CHRNA3: variants seen among roughly 807,000 people sequenced by gnomAD.
CHRNA3 encodes the protein cholinergic receptor nicotinic alpha 3 subunit.
Under a neutral mutation model 41.9 loss-of-function variants are expected in CHRNA3, and 34 were observed. The observed-to-expected ratio is 0.81, with a 90% CI of 0.62 to 1.08. CHRNA3 has a LOEUF of 1.08. Among genes scored for constraint, CHRNA3 ranks in the 50% least tolerant of loss-of-function variants. The probability of loss-of-function intolerance (pLI) is 0.00; values close to 1 mark genes in which losing one functional copy is unlikely to be tolerated. For missense variants in CHRNA3, 542 were observed against 638.3 expected (o/e 0.85, Z 1.63); for synonymous variants, 281 against 265.2 (o/e 1.06, Z -0.58).
chr15:78,614,860 G>T (rs1397220299), intron 4 of CHRNA3, among the ~76,000 whole-genome samples: 5 of 152,214 alleles, frequency 3.3e-5, no homozygotes, highest in African/African-American at 1.2e-4. Context: ...TTAAATGTGG[G>T]AAGTATCAGT....
chr15:78,598,958 C>G (rs141300598), intron 5 of CHRNA3, among the ~76,000 whole-genome samples: 1 of 151,632 alleles, frequency 6.6e-6, no homozygotes, highest in African/African-American at 2.4e-5. Flanking sequence ...CTCAGACTCC[C>G]GAGTAGCTAA....
intron 4 of CHRNA3, among the ~76,000 whole-genome samples, chr15:78,613,806 C>T (rs1596081974): frequency 1.3e-5 from 2 of 149,026 alleles, no homozygotes; most frequent in South Asian, 2.2e-4. Context: ...ATTAGCCAGG[C>T]GTGGTGGCGG....
At position 78,596,097 on chromosome 15, in the gene CHRNA3, C is replaced by G. The variant is rs2053105092; in HGVS notation, c.*507G>C. 1 of 985,182 alleles carries G rather than the reference C, an allele frequency of 1.0e-6. No homozygotes were observed. The highest frequency in any genetic ancestry group is 1.7e-5 in the African/African-American group (1 of 57,218). 61.0% of individuals were successfully genotyped at this position (985,182 alleles called of 1,614,324 possible). On this transcript the variant is annotated 3_prime_UTR_variant, in exon 6 of 6. Transcript: ENST00000326828. ...GTATGCAAGAGAAGTAGTTGAAGCT[C>G]TCTGAAATGGAGGCATAGCCCTTTA...
At chr15:78,614,865 A>G (rs1567090008) in intron 4 of CHRNA3, among the ~76,000 whole-genome samples, 1 of 152,250 alleles carries the variant, frequency 6.6e-6, no homozygotes, top group Non-Finnish European at 1.5e-5. Context: ...TGTGGGAAGT[A>G]TCAGTTTTGT....
At chr15:78,608,430 C>T (rs186620870) in intron 4 of CHRNA3, among the ~76,000 whole-genome samples, 226 of 152,238 alleles carry the variant, frequency 1.5e-3, no homozygotes, top group South Asian at 1.2e-3. Context: ...CTACAGCCAC[C>T]GCTGTTCTGC....
At chr15:78,613,611 C>T (rs528821581) in intron 4 of CHRNA3, among the ~76,000 whole-genome samples, 1 of 150,570 alleles carries the variant, frequency 6.6e-6, no homozygotes, top group African/African-American at 2.4e-5. Context: ...AGGAGATATA[C>T]CTAATGCTAA....
chr15:78,596,063 A>T lies in CHRNA3; in HGVS notation c.*541T>A. The T allele has an allele frequency of 1.0e-6, 1 of 984,288 alleles. No individual in the cohort carries two copies. The highest frequency in any genetic ancestry group is 1.2e-6 in the Non-Finnish European group (1 of 828,936). The allele number at this position is 984,288 out of a possible 1,614,324, so 61.0% of individuals were successfully genotyped here. A position where few individuals can be genotyped will look rare whatever the true frequency, so the allele number is the denominator to read the frequency against. ...AACTAGGCATGATTTCTCATGGTAT[A>T]ATTTAGAAGTATGCAAGAGAAGTAG... On this transcript the variant is annotated 3_prime_UTR_variant, in exon 6 of 6. Coordinates refer to ENST00000326828, the MANE Select transcript of CHRNA3 (RefSeq NM_000743.5).
At chr15:78,602,552 C>T (rs1280874643) in intron 4 of CHRNA3, among the ~76,000 whole-genome samples, 2 of 152,188 alleles carry the variant, frequency 1.3e-5, no homozygotes, top group Non-Finnish European at 2.9e-5. Flanking sequence ...CTCCCAAATG[C>T]CCGAAGAGGA....
In CHRNA3 at chr15:78,620,882, G is replaced by A. The variant is rs908389436; in HGVS notation, c.-88C>T. On this transcript the variant is annotated 5_prime_UTR_variant, in exon 1 of 6. Transcript: ENST00000326828. ...CGGCCTCTCCCCGCGCGGCTCCAGC[G>A]CAGACCCCAGACCTGGAGCCGTGCG... 5 of 1,304,440 alleles carry A rather than the reference G, an allele frequency of 3.8e-6. No individual in the cohort carries two copies. Among genetic ancestry groups the A allele is most frequent in the Non-Finnish European group, 3.9e-6 (4 of 1,033,108 alleles). 80.8% of individuals were successfully genotyped at this position (1,304,440 alleles called of 1,614,324 possible). A position where few individuals can be genotyped will look rare whatever the true frequency, so the allele number is the denominator to read the frequency against.
At chr15:78,615,181 G>C (rs1021069869) in intron 4 of CHRNA3, among the ~76,000 whole-genome samples, 1 of 152,168 alleles carries the variant, frequency 6.6e-6, no homozygotes, top group South Asian at 2.1e-4. Flanking sequence ...ATCCTACTCT[G>C]TACATGGGAA....
rs2053213809 is a variant in CHRNA3, at chr15:78,602,129, T to C, written c.513A>G (p.Gln171=). Reference sequence around the variant, plus strand: ...AGGAACCGAACTTCATGGTACAGTTTTGGTAATCAAACGGGAAGTAGGTCA... The same window carrying C: ...AGGAACCGAACTTCATGGTACAGTTCTGGTAATCAAACGGGAAGTAGGTCA... ...IDVTYFPFDY[Q]NCTMKFGSWS... The change falls in exon 5 of 6, where the codon CAA becomes CAG. Residue 171 remains glutamine, a synonymous_variant. Coordinates refer to ENST00000326828, the MANE Select transcript of CHRNA3 (RefSeq NM_000743.5). 1 of 1,613,954 alleles carries C rather than the reference T, an allele frequency of 6.2e-7. No homozygotes were observed. The highest frequency in any genetic ancestry group is 1.3e-5 in the African/African-American group (1 of 74,882).
Position 78,601,620 on chromosome 15 carries a change from C to T in CHRNA3, c.1022G>A (p.Trp341Ter). The part of the protein sequence containing the change: ...RTPTTHTMPS[W>*]VKTVFLNLLP... ...CAGGTTCAAGAATACAGTCTTCACC[C>T]ATGAGGGCATTGTGTGTGTCGTCGG... is the stretch of plus-strand genomic sequence containing the variant. Residue 341 changes from tryptophan to a stop codon, truncating the protein, a stop_gained, in exon 5 of 6, where the codon TGG becomes TAG. Coordinates refer to ENST00000326828, the MANE Select transcript of CHRNA3 (RefSeq NM_000743.5). LOFTEE classifies it high-confidence loss of function. 6.2e-7 allele frequency: 1 copy of T among 1,614,178 alleles called. No homozygotes were observed. Among genetic ancestry groups the T allele is most frequent in the Non-Finnish European group, 8.5e-7 (1 of 1,180,036 alleles).
At chr15:78,600,573 C>T (rs921436535) in intron 5 of CHRNA3, among the ~76,000 whole-genome samples, 1 of 152,138 alleles carries the variant, frequency 6.6e-6, no homozygotes, top group Non-Finnish European at 1.5e-5. Flanking sequence ...AGTGAGAACA[C>T]ATATACAATT....
chr15:78,599,650 G>A (rs976274760), intron 5 of CHRNA3, among the ~76,000 whole-genome samples: 1 of 149,568 alleles, frequency 6.7e-6, no homozygotes, highest in South Asian at 2.1e-4. Flanking sequence ...CCTCTCCTTT[G>A]TAGCCCCCTG....
chr15:78,616,986 G>C, intron 4 of CHRNA3, 38 bp downstream of exon 4: 1 of 1,470,356 alleles, frequency 6.8e-7, no homozygotes, highest in Non-Finnish European at 9.4e-7. Flanking sequence ...AGCCCAGGCT[G>C]ACAGCCCTGA....
At chr15:78,605,840 G>A (rs753748489) in intron 4 of CHRNA3, among the ~76,000 whole-genome samples, 30 of 152,180 alleles carry the variant, frequency 2.0e-4, no homozygotes, top group Non-Finnish European at 4.3e-4. Context: ...GAGATGCCAT[G>A]ACTGTGCGGT....
rs1158099811 is a variant in CHRNA3, at chr15:78,601,226, C to T, written c.1389+27G>A. On this transcript the variant is annotated intron_variant, in intron 5 of 5. Transcript: ENST00000326828. Reference sequence around the variant, plus strand: ...AAATATTTGTTGAATGAATGAATGACCAATGTAATAAAAGCCATATCCTTA... The same window carrying T: ...AAATATTTGTTGAATGAATGAATGATCAATGTAATAAAAGCCATATCCTTA... The T allele has an allele frequency of 5.6e-6, 9 of 1,597,274 alleles. No homozygotes were observed. In the Admixed American group the frequency reaches 8.6e-5, roughly 15 times the overall value.
downstream of CHRNA3, chr15:78,594,534 C>G (rs1468229633): frequency 6.6e-6 from 1 of 152,068 alleles, no homozygotes; most frequent in African/African-American, 2.4e-5. Flanking sequence ...AAAAATTAGT[C>G]GGGCATGGTA....
intron 4 of CHRNA3, among the ~76,000 whole-genome samples, chr15:78,613,761 C>A (rs77681598): frequency 0.13 from 4,676 of 36,594 alleles, 71 homozygotes; most frequent in East Asian, 0.29. Context: ...CAGTGGCAAA[C>A]AAACAAAAAA....
Sources: gnomAD v4.1 joint callset for allele counts (sites outside exome capture counted in the v4.1 genomes callset) on GRCh38, gnomAD v4.1.1 for gene constraint, MANE v1.5 for transcripts, NCBI Gene and HGNC (gene_info 2026-07-23, HGNC 2026-07-21) for gene names.